The following SOX5 variants were observed in gnomAD, a reference collection of about 807,000 sequenced individuals.
The protein encoded by SOX5 is transcription factor SOX-5.
Under a neutral mutation model 92.0 loss-of-function variants are expected in SOX5, and 9 were observed. The ratio of observed to expected loss-of-function variants is 0.10; its 90% CI spans 0.06 to 0.17. SOX5 has a LOEUF of 0.17. Ranked by LOEUF, SOX5 falls within the 10% of genes least tolerant of loss-of-function variation. The pLI is 1.00. For synonymous variants in SOX5, 344 were observed against 336.3 expected (o/e 1.02, Z -0.25); for missense variants, 642 against 944.5 (o/e 0.68, Z 4.20).
chr12:24,120,759 G>A (rs1253102464), intron 4 of SOX5, among the ~76,000 whole-genome samples: 4 of 152,206 alleles, frequency 2.6e-5, no homozygotes, highest in Admixed American at 2.6e-4. Context: ...TGAAATGGAT[G>A]ATCCAAGGAC....
chr12:23,907,665 G>A (rs1162503048), intron 1 of SOX5, among the ~76,000 whole-genome samples: 1 of 151,722 alleles, frequency 6.6e-6, no homozygotes, highest in Non-Finnish European at 1.5e-5. Flanking sequence ...TGTAAAAACA[G>A]CTCGCCATAT....
chr12:23,629,196 C>T (rs2078217579), intron 8 of SOX5, among the ~76,000 whole-genome samples: 1 of 152,040 alleles, frequency 6.6e-6, no homozygotes, highest in African/African-American at 2.4e-5. Context: ...GAAAGCAATT[C>T]AGAAGGTTGC....
In SOX5 at chr12:24,500,108, C is replaced by T. The variant is rs76265743; in HGVS notation, c.-251+62221G>A. ...TCCAGTTCTGCCACCGACTTGCTGC[C>T]TGACATAGAGCTTTGTGTCATTTTT... On this transcript the variant is annotated intron_variant, in intron 1 of 4. Coordinates refer to the SOX5 transcript ENST00000446891. 7.7e-3 allele frequency among the ~76,000 whole-genome samples: 1,177 copies of T among 152,196 alleles called. 18 individuals carry two copies. Among genetic ancestry groups the T allele is most frequent in the African/African-American group, 0.028 (1,143 of 41,514 alleles).
At position 23,906,371 on chromosome 12, in the gene SOX5, C is replaced by T. The variant is rs552334870; in HGVS notation, c.39-10347G>A. Among the ~76,000 whole-genome samples, 13 of 152,268 alleles carry T rather than the reference C, an allele frequency of 8.5e-5. No individual in the cohort carries two copies. The East Asian group carries it at 1.9e-3, about 23-fold the overall frequency. ...TTTTTCCATTTGAGCATGGGTTTTG[C>T]CTTTCTGACAGCTCTAAGTCCACAG... On this transcript the variant is annotated intron_variant, in intron 1 of 14. Transcript: ENST00000451604.
intron 9 of SOX5, among the ~76,000 whole-genome samples, chr12:23,601,971 C>T (rs2074559895): frequency 6.6e-6 from 1 of 152,082 alleles, no homozygotes; most frequent in African/African-American, 2.4e-5. Flanking sequence ...AAAAGAGGCA[C>T]TTTATTCTTA....
At chr12:24,374,829 G>A (rs887469522) in intron 1 of SOX5, among the ~76,000 whole-genome samples, 1 of 152,162 alleles carries the variant, frequency 6.6e-6, no homozygotes, top group Admixed American at 6.5e-5. Flanking sequence ...CCCAAAGATG[G>A]TTTCTTTAGT....
chr12:23,763,881 C>A (rs2094633830), intron 3 of SOX5, among the ~76,000 whole-genome samples: 1 of 152,054 alleles, frequency 6.6e-6, no homozygotes, highest in Non-Finnish European at 1.5e-5. Flanking sequence ...ATCCAACCCT[C>A]CTGACAGCAA....
intron 1 of SOX5, among the ~76,000 whole-genome samples, chr12:24,403,361 G>A (rs1241877825): frequency 1.3e-5 from 2 of 152,172 alleles, no homozygotes; most frequent in East Asian, 1.9e-4. Flanking sequence ...CTTAAGGACG[G>A]AAACCTTGTC....
At chr12:23,901,638 G>A (rs7136898) in intron 1 of SOX5, among the ~76,000 whole-genome samples, 4 of 151,884 alleles carry the variant, frequency 2.6e-5, no homozygotes, top group East Asian at 1.9e-4. Context: ...CATTTTGTTC[G>A]CAGCCTTTAT....
chr12:24,042,735 A>G (rs1267767557), intron 4 of SOX5, among the ~76,000 whole-genome samples: 2 of 152,146 alleles, frequency 1.3e-5, no homozygotes, highest in East Asian at 1.9e-4. Flanking sequence ...TTGCACTGAG[A>G]ATATAAAGGA....
At chr12:23,784,281 T>C (rs1388947336) in intron 3 of SOX5, among the ~76,000 whole-genome samples, 1 of 152,138 alleles carries the variant, frequency 6.6e-6, no homozygotes, top group Middle Eastern at 3.2e-3. Flanking sequence ...AAATGCCATC[T>C]AGACCTATGG....
Position 23,641,880 on chromosome 12 carries a change from A to G in SOX5, c.932-983T>C, listed in dbSNP as rs547077938. ...GTTGAATATTGCACGCATGAAAAAT[A>G]TAACTTAAAATAACTCAGTTAATAC... On this transcript the variant is annotated intron_variant, in intron 7 of 14. Coordinates refer to ENST00000451604, the MANE Select transcript of SOX5 (RefSeq NM_006940.6). 8.5e-4 allele frequency among the ~76,000 whole-genome samples: 130 copies of G among 152,382 alleles called. 2 individuals are homozygous for G. The highest frequency in any genetic ancestry group is 3.1e-3 in the African/African-American group (127 of 41,590).
At chr12:23,937,273 G>A (rs369767084) in intron 1 of SOX5, among the ~76,000 whole-genome samples, 1 of 150,716 alleles carries the variant, frequency 6.6e-6, no homozygotes, top group African/African-American at 2.4e-5. Flanking sequence ...CTTGCCAACT[G>A]GTCTACAAAT....
chr12:23,842,037 T>C (rs1436332697), intron 3 of SOX5, among the ~76,000 whole-genome samples: 2 of 152,108 alleles, frequency 1.3e-5, no homozygotes. Flanking sequence ...CTAGTTTAAC[T>C]GTGTTAAAAA....
rs552750771 is a variant in SOX5 at position 23,532,037 on chromosome 12, TAGAA to T, written c.*2178_*2181del. 6.1e-4 allele frequency: 92 copies of T among 150,702 alleles called. No homozygotes were observed. The highest frequency in any genetic ancestry group is 1.9e-3 in the African/African-American group (77 of 41,150). 9.3% of individuals were successfully genotyped at this position (150,702 alleles called of 1,614,324 possible). A position where few individuals can be genotyped will look rare whatever the true frequency, so the allele number is the denominator to read the frequency against. On this transcript the variant is annotated 3_prime_UTR_variant, in exon 15 of 15. Transcript: ENST00000451604. ...ACTTCCAAATCAGAGCAGAATAAAA[TAGAA>T]AGGGAGAAATAAAATAAATTATACA... is the stretch of plus-strand genomic sequence containing the variant.
intron 3 of SOX5, among the ~76,000 whole-genome samples, chr12:23,809,614 T>A (rs1201697278): frequency 1.0e-5 from 1 of 99,254 alleles, no homozygotes; most frequent in African/African-American, 3.5e-5. Flanking sequence ...AACATACTTT[T>A]TTATTAAAAA....
At chr12:24,031,116 T>C (rs1332297271) in intron 4 of SOX5, among the ~76,000 whole-genome samples, 1 of 151,742 alleles carries the variant, frequency 6.6e-6, no homozygotes, top group Non-Finnish European at 1.5e-5. Flanking sequence ...GGAACAGCCA[T>C]TATGGAAAAC....
At chr12:24,231,709 G>C (rs1963442370) in intron 3 of SOX5, among the ~76,000 whole-genome samples, 1 of 152,172 alleles carries the variant, frequency 6.6e-6, no homozygotes, top group African/African-American at 2.4e-5. Flanking sequence ...AAAAGAGTAG[G>C]CATGAAAGGG....
At chr12:24,500,000 T>C (rs1948040931) in intron 1 of SOX5, among the ~76,000 whole-genome samples, 1 of 152,196 alleles carries the variant, frequency 6.6e-6, no homozygotes, top group Non-Finnish European at 1.5e-5. Context: ...GCATATTCTT[T>C]CCTCAGGCCT....
Sources: allele counts gnomAD v4.1 joint callset (sites outside exome capture counted in the v4.1 genomes callset), GRCh38; gene constraint gnomAD v4.1.1; transcripts MANE v1.5; gene names NCBI Gene and HGNC (gene_info 2026-07-23, HGNC 2026-07-21).